The following VPS13B variants were observed in gnomAD, a reference collection of about 807,000 sequenced individuals.
VPS13B encodes intermembrane lipid transfer protein VPS13B.
A neutral mutation model predicts 426.4 loss-of-function variants in VPS13B; 285 were observed. That is an observed-to-expected ratio of 0.67 (90% CI 0.61 to 0.74). The LOEUF (loss-of-function observed/expected upper bound fraction) is 0.74, where lower values mean the gene tolerates loss of function less well. VPS13B is among the 30% of genes least tolerant of loss of function. The pLI is 0.00. For missense variants in VPS13B, 4,537 were observed against 4,782.6 expected (o/e 0.95, Z 1.51); for synonymous variants, 1,676 against 1,676.4 (o/e 1.00, Z 0.01).
At chr8:99,098,766 T>C (rs1019106138) in intron 4 of VPS13B, among the ~76,000 whole-genome samples, 1 of 152,144 alleles carries the variant, frequency 6.6e-6, no homozygotes, top group African/African-American at 2.4e-5. Context: ...TTTTTTATTA[T>C]TAAAAAAATC....
At chr8:99,625,406 A>G (rs1828567629) in intron 33 of VPS13B, among the ~76,000 whole-genome samples, 1 of 152,190 alleles carries the variant, frequency 6.6e-6, no homozygotes, top group Non-Finnish European at 1.5e-5. Context: ...AAAGGGGGAT[A>G]GAAAAGCAGT....
At chr8:99,837,301 T>G (rs1351478273) in intron 54 of VPS13B, among the ~76,000 whole-genome samples, 1 of 152,058 alleles carries the variant, frequency 6.6e-6, no homozygotes. Context: ...GGGGTGTGCT[T>G]TCTATCAGCT....
At chr8:99,073,435 A>AT (rs1563522057) in intron 3 of VPS13B, among the ~76,000 whole-genome samples, 1 of 151,732 alleles carries the variant, frequency 6.6e-6, no homozygotes, top group African/African-American at 2.4e-5. Flanking sequence ...TTGTAGAGTT[A>AT]TTTTTTACCT....
intron 23 of VPS13B, among the ~76,000 whole-genome samples, chr8:99,449,892 C>T (rs1175076919): frequency 6.6e-6 from 1 of 152,012 alleles, no homozygotes; most frequent in Admixed American, 6.6e-5. Context: ...GCAACTTCTG[C>T]CTCTTGGGTT....
intron 43 of VPS13B, among the ~76,000 whole-genome samples, chr8:99,804,842 A>C (rs1021937329): frequency 7.0e-4 from 106 of 152,116 alleles, no homozygotes; most frequent in African/African-American, 2.5e-3. Context: ...AAATAGAAAA[A>C]TTTGAAAAAG....
chr8:99,861,671 A>G, intron 57 of VPS13B, 105 bp from the exon 58 acceptor site: 3 of 1,437,404 alleles, frequency 2.1e-6, no homozygotes, highest in Non-Finnish European at 1.9e-6. Flanking sequence ...GCCACTGGGC[A>G]TGTCCAGGAG....
At chr8:99,820,716 T>A (rs745650280) in intron 49 of VPS13B, among the ~76,000 whole-genome samples, 4 of 152,138 alleles carry the variant, frequency 2.6e-5, no homozygotes, top group Non-Finnish European at 5.9e-5. Flanking sequence ...GCTAGTCTAT[T>A]TCAAGAAGAC....
intron 19 of VPS13B, among the ~76,000 whole-genome samples, chr8:99,365,141 G>A (rs1812784644): frequency 6.7e-6 from 1 of 148,422 alleles, no homozygotes; most frequent in Admixed American, 6.7e-5. Flanking sequence ...TTTCATCTTT[G>A]ATTTTATTTG....
chr8:99,314,010 G>A (rs375197183), intron 19 of VPS13B, among the ~76,000 whole-genome samples: 35 of 152,266 alleles, frequency 2.3e-4, no homozygotes, highest in Non-Finnish European at 3.2e-4. Flanking sequence ...TGCTAAGACC[G>A]TTGGAAAAGT....
intron 3 of VPS13B, among the ~76,000 whole-genome samples, chr8:99,080,886 C>G (rs1384813585): frequency 6.6e-6 from 1 of 152,178 alleles, no homozygotes; most frequent in Non-Finnish European, 1.5e-5. Context: ...TTCTTCTTGT[C>G]TTACTCAAGC....
chr8:99,079,282 C>T (rs922311357), intron 3 of VPS13B, among the ~76,000 whole-genome samples: 6 of 151,908 alleles, frequency 3.9e-5, no homozygotes, highest in African/African-American at 1.5e-4. Context: ...GTTGTCAGGC[C>T]CCCATCATGG....
At chr8:99,280,356 C>T (rs1819111106) in intron 19 of VPS13B, among the ~76,000 whole-genome samples, 1 of 152,088 alleles carries the variant, frequency 6.6e-6, no homozygotes, top group Non-Finnish European at 1.5e-5. Flanking sequence ...AATTAAGTAC[C>T]TCTCTTACAT....
At chr8:99,501,918 C>CCCTT (rs1821261267) in intron 26 of VPS13B, 60 bp downstream of exon 26, 2 of 1,433,418 alleles carry the variant, frequency 1.4e-6, no homozygotes, top group African/African-American at 3.1e-5. Flanking sequence ...CTCCCTCCCT[C>CCCTT]CCTCCCTCCC....
At chr8:99,660,082 T>G (rs1272351199) in intron 34 of VPS13B, among the ~76,000 whole-genome samples, 2 of 152,220 alleles carry the variant, frequency 1.3e-5, no homozygotes, top group African/African-American at 4.8e-5. Flanking sequence ...ACTATGCATA[T>G]TCTCACTGCT....
chr8:99,507,239 G>A (rs756089348), intron 28 of VPS13B, 36 bp downstream of exon 28: 3 of 1,599,610 alleles, frequency 1.9e-6, no homozygotes, highest in Non-Finnish European at 2.6e-6. Context: ...TTTTGAAAAT[G>A]TACTTTAAAC....
At chr8:99,233,230 C>G in intron 17 of VPS13B, 1 of 1,252,596 alleles carries the variant, frequency 8.0e-7, no homozygotes, top group Non-Finnish European at 1.2e-6. Flanking sequence ...GATTTCTGCA[C>G]TAGTTAAGTT....
intron 39 of VPS13B, among the ~76,000 whole-genome samples, chr8:99,764,943 C>T (rs1811136088): frequency 6.6e-6 from 1 of 151,902 alleles, no homozygotes; most frequent in South Asian, 2.1e-4. Context: ...AGCATACTTC[C>T]TAGGGGAAAA....
At chr8:99,283,634 C>T (rs1326173876) in intron 19 of VPS13B, among the ~76,000 whole-genome samples, 48 of 152,140 alleles carry the variant, frequency 3.2e-4, no homozygotes, top group Non-Finnish European at 2.9e-5. Flanking sequence ...AAAGAAAATG[C>T]ATGTGTTTCC....
At chr8:99,501,508 G>C (rs1821231944) in intron 25 of VPS13B, among the ~76,000 whole-genome samples, 179 bp from the exon 26 acceptor site, 1 of 152,186 alleles carries the variant, frequency 6.6e-6, no homozygotes, top group Non-Finnish European at 1.5e-5. Context: ...AAAATCATTT[G>C]AGAAGTGTAT....
Sources: gnomAD v4.1 joint callset for allele counts (sites outside exome capture counted in the v4.1 genomes callset) on GRCh38, gnomAD v4.1.1 for gene constraint, MANE v1.5 for transcripts, NCBI Gene and HGNC (gene_info 2026-07-23, HGNC 2026-07-21) for gene names.